Variants in ZFHX3 observed in about 807,000 individuals in gnomAD.
The protein encoded by ZFHX3 is zinc finger homeobox 3.
ZFHX3 carries 42 observed loss-of-function variants against 279.1 expected under a neutral mutation model. That is an observed-to-expected ratio of 0.15 (90% CI 0.12 to 0.19). The LOEUF (loss-of-function observed/expected upper bound fraction) is 0.19, where lower values mean the gene tolerates loss of function less well. Among genes scored for constraint, ZFHX3 ranks in the 10% least tolerant of loss-of-function variants. ZFHX3 has a pLI of 1.00. For synonymous variants in ZFHX3, 2,293 were observed against 1,957.8 expected (o/e 1.17, Z -4.52); for missense variants, 4,981 against 4,754.0 (o/e 1.05, Z -1.40).
intron 4 of ZFHX3, among the ~76,000 whole-genome samples, chr16:73,304,763 C>A (rs1396246537): frequency 6.6e-6 from 1 of 152,180 alleles, no homozygotes; most frequent in African/African-American, 2.4e-5. Flanking sequence ...GAGCCTGCTT[C>A]CTGAGCCCAC....
At chr16:73,633,233 G>A (rs2052494213) in intron 2 of ZFHX3, among the ~76,000 whole-genome samples, 1 of 152,204 alleles carries the variant, frequency 6.6e-6, no homozygotes, top group African/African-American at 2.4e-5. Context: ...GATCGAAATT[G>A]AGAAGGAGAA....
At chr16:73,880,080 C>T (rs886595875) in intron 1 of ZFHX3, among the ~76,000 whole-genome samples, 5 of 152,148 alleles carry the variant, frequency 3.3e-5, no homozygotes, top group African/African-American at 4.8e-5. Context: ...CTCCATTCTA[C>T]ACGTTCCATT....
chr16:73,491,319 T>TTC (rs1448293887), intron 2 of ZFHX3, among the ~76,000 whole-genome samples: 1 of 152,186 alleles, frequency 6.6e-6, no homozygotes, highest in Non-Finnish European at 1.5e-5. Context: ...ACATGTCACT[T>TTC]TCTCTCTCCC....
At chr16:73,795,840 T>C (rs1959972924) in intron 1 of ZFHX3, among the ~76,000 whole-genome samples, 1 of 152,210 alleles carries the variant, frequency 6.6e-6, no homozygotes, top group South Asian at 2.1e-4. Flanking sequence ...CACAGGAGGA[T>C]AGATTAGATG....
chr16:73,603,512 G>GA (rs1052754169), intron 2 of ZFHX3, among the ~76,000 whole-genome samples: 5 of 152,056 alleles, frequency 3.3e-5, no homozygotes, highest in African/African-American at 9.7e-5. Flanking sequence ...TGCTCCCATA[G>GA]ACAGTTAATA....
intron 2 of ZFHX3, among the ~76,000 whole-genome samples, chr16:73,471,650 G>A (rs2018670191): frequency 1.3e-5 from 2 of 152,122 alleles, no homozygotes; most frequent in African/African-American, 4.8e-5. Context: ...TTGGGTGAGA[G>A]GAGTAAAAGG....
chr16:73,846,411 G>A (rs201705156), intron 1 of ZFHX3, among the ~76,000 whole-genome samples: 92 of 152,304 alleles, frequency 6.0e-4, no homozygotes, highest in African/African-American at 2.1e-3. Context: ...AATCACATTT[G>A]AGTTACTCAA....
chr16:72,987,924 T>C (rs1471109401), intron 1 of ZFHX3, among the ~76,000 whole-genome samples: 3 of 152,186 alleles, frequency 2.0e-5, no homozygotes, highest in African/African-American at 7.2e-5. Context: ...GCCCTATTCA[T>C]TCACATATGC....
At chr16:72,999,855 G>A (rs1963430600) in intron 1 of ZFHX3, among the ~76,000 whole-genome samples, 1 of 152,210 alleles carries the variant, frequency 6.6e-6, no homozygotes, top group African/African-American at 2.4e-5. Flanking sequence ...TGGTGGAGTG[G>A]AGGACACTGG....
intron 3 of ZFHX3, among the ~76,000 whole-genome samples, chr16:73,426,384 A>G (rs956314473): frequency 2.6e-5 from 4 of 152,174 alleles, no homozygotes; most frequent in Non-Finnish European, 4.4e-5. Flanking sequence ...AAAAACTAAA[A>G]TGGAGCAAGA....
chr16:73,183,060 C>T (rs774719805), intron 5 of ZFHX3, among the ~76,000 whole-genome samples: 61 of 152,034 alleles, frequency 4.0e-4, no homozygotes, highest in Non-Finnish European at 8.4e-4. Flanking sequence ...CAAAATTTAG[C>T]GGGGTGTGGT....
intron 4 of ZFHX3, among the ~76,000 whole-genome samples, chr16:72,871,962 G>A (rs969671009): frequency 5.9e-5 from 9 of 152,108 alleles, no homozygotes; most frequent in African/African-American, 1.9e-4. Flanking sequence ...GTGGGCGCCT[G>A]TAGTCCCAGC....
At chr16:73,758,957 T>A (rs139367869) in intron 1 of ZFHX3, among the ~76,000 whole-genome samples, 1 of 152,354 alleles carries the variant, frequency 6.6e-6, no homozygotes, top group African/African-American at 2.4e-5. Flanking sequence ...CAGCCATAGA[T>A]GTGGGTGGTG....
At chr16:72,902,358 C>G (rs1022722975) in intron 3 of ZFHX3, among the ~76,000 whole-genome samples, 4 of 152,152 alleles carry the variant, frequency 2.6e-5, no homozygotes, top group South Asian at 2.1e-4. Flanking sequence ...ATCAATAGCC[C>G]GGACCAGCTT....
intron 1 of ZFHX3, among the ~76,000 whole-genome samples, chr16:73,734,217 C>T (rs1422958690): frequency 6.6e-6 from 1 of 152,124 alleles, no homozygotes; most frequent in African/African-American, 2.4e-5. Context: ...AGCCCGGTTC[C>T]TAATAGGCCA....
chr16:73,116,184 G>C (rs967000959), intron 7 of ZFHX3, among the ~76,000 whole-genome samples: 2 of 151,986 alleles, frequency 1.3e-5, no homozygotes, highest in East Asian at 3.9e-4. Flanking sequence ...TAGTGCTTAT[G>C]CCCTTTGGGT....
chr16:72,800,221 TCAC>T, intron 7 of ZFHX3, 92 bp from the exon 8 acceptor site: 1 of 1,072,614 alleles, frequency 9.3e-7, no homozygotes, highest in South Asian at 1.3e-5. Context: ...AAATTAGCCT[TCAC>T]CAGTGTAAAG....
chr16:72,916,316 TG>T (rs1252762294), intron 3 of ZFHX3, among the ~76,000 whole-genome samples: 1 of 152,196 alleles, frequency 6.6e-6, no homozygotes, highest in East Asian at 1.9e-4. Flanking sequence ...CAATCTGGAA[TG>T]GGGGGATCTA....
chr16:73,418,479 A>T (rs1293119566), intron 3 of ZFHX3, among the ~76,000 whole-genome samples: 1 of 152,234 alleles, frequency 6.6e-6, no homozygotes, highest in East Asian at 1.9e-4. Flanking sequence ...TGTTCTACAT[A>T]GTGTGTATAT....
Sources: gnomAD v4.1 joint callset for allele counts (sites outside exome capture counted in the v4.1 genomes callset) on GRCh38, gnomAD v4.1.1 for gene constraint, MANE v1.5 for transcripts, NCBI Gene and HGNC (gene_info 2026-07-23, HGNC 2026-07-21) for gene names.